The following TF variants were observed in gnomAD, a reference collection of about 807,000 sequenced individuals.
TF encodes the protein transferrin.
In TF, 55 loss-of-function variants were observed where a neutral mutation model predicts 82.4. That is an observed-to-expected ratio of 0.67 (90% confidence interval 0.54 to 0.84). The LOEUF is 0.84. TF is among the 40% of genes least tolerant of loss of function. The pLI is 0.00. For missense variants in TF, 737 were observed against 868.4 expected (o/e 0.85, Z 1.90); for synonymous variants, 332 against 332.6 (o/e 1.00, Z 0.02).
chr3:133,667,356 CAAAAAAA>C, the TF span, among the ~76,000 whole-genome samples: 57 of 128,056 alleles, frequency 4.5e-4, 1 homozygote, highest in East Asian at 0.012. Context: ...GACTCTGACT[CAAAAAAA>C]AAAAAAAAAA....
At chr3:133,732,854 T>G in the TF span, among the ~76,000 whole-genome samples, 16 of 152,192 alleles carry the variant, frequency 1.1e-4, no homozygotes, top group Non-Finnish European at 1.6e-4. Flanking sequence ...AGATGGGGAA[T>G]TGGGGCACTG....
At chr3:133,754,393 C>T in intron 3 of TF, 102 bp from the exon 4 acceptor site, 1 of 1,234,972 alleles carries the variant, frequency 8.1e-7, no homozygotes, top group Non-Finnish European at 1.2e-6. Flanking sequence ...CCAGTAAAAG[C>T]ATGGCCTCTC....
intron 6 of TF, 85 bp from the exon 7 acceptor site, chr3:133,756,746 T>C (rs1559871163): frequency 3.2e-6 from 5 of 1,551,168 alleles, no homozygotes; most frequent in East Asian, 4.5e-5. Flanking sequence ...CAGCTCATAC[T>C]TTCTATGATC....
chr3:133,728,434 A>G, the TF span, among the ~76,000 whole-genome samples: 55,517 of 151,218 alleles, frequency 0.37, 10,784 homozygotes, highest in South Asian at 0.5. Context: ...CCTTTCTTCC[A>G]GTTCATTGCA....
chr3:133,713,864 C>T, the TF span, among the ~76,000 whole-genome samples: 2 of 152,156 alleles, frequency 1.3e-5, no homozygotes, highest in African/African-American at 2.4e-5. Flanking sequence ...CAAGTCCTGT[C>T]CCTCTTCTGT....
intron 13 of TF, among the ~76,000 whole-genome samples, chr3:133,769,483 GC>G (rs1219978164): frequency 6.6e-6 from 1 of 152,076 alleles, no homozygotes; most frequent in East Asian, 1.9e-4. Flanking sequence ...GTGTATAAAG[GC>G]TTCTTTTTCT....
chr3:133,678,744 T>C, the TF span, among the ~76,000 whole-genome samples: 1 of 152,250 alleles, frequency 6.6e-6, no homozygotes, highest in Admixed American at 6.5e-5. Context: ...AAGTTCCTTG[T>C]AGATTCTGGA....
At chr3:133,690,098 G>C in the TF span, among the ~76,000 whole-genome samples, 1 of 151,686 alleles carries the variant, frequency 6.6e-6, no homozygotes, top group Non-Finnish European at 1.5e-5. Flanking sequence ...TTGATTAAAA[G>C]ACATAGACAT....
rs1336595138 is a variant in TF, at chr3:133,757,881, T to C, written c.983T>C (p.Met328Thr). ...GGGTTTTTAAAAGTCCCCCCCAGGA[T>C]GGATGCCAAGATGTACCTGGGCTAT... ...AHGFLKVPPRMDAKMYLGYEY... is the reference protein window; with the variant it reads ...AHGFLKVPPRTDAKMYLGYEY... The change falls in exon 8 of 17, where the codon ATG becomes ACG. Residue 328 changes from methionine to threonine, a missense_variant. Transcript: ENST00000402696. 13 of 1,614,076 alleles carry C rather than the reference T, an allele frequency of 8.1e-6. No homozygotes were observed. Among genetic ancestry groups the C allele is most frequent in the Admixed American group, 1.7e-5 (1 of 60,000 alleles).
chr3:133,678,807 G>A, the TF span, among the ~76,000 whole-genome samples: 2 of 152,072 alleles, frequency 1.3e-5, no homozygotes, highest in East Asian at 1.9e-4. Flanking sequence ...CTATTCTGTA[G>A]GTTGCCTGTT....
At chr3:133,706,475 G>A in the TF span, among the ~76,000 whole-genome samples, 1 of 152,012 alleles carries the variant, frequency 6.6e-6, no homozygotes. Flanking sequence ...CTCAGGTGTA[G>A]TCTCTGGACC....
chr3:133,675,512 G>A, the TF span, among the ~76,000 whole-genome samples: 1 of 152,206 alleles, frequency 6.6e-6, no homozygotes, highest in South Asian at 2.1e-4. Context: ...ATGTCCAAAG[G>A]ACAAAGAGAA....
chr3:133,758,902 A>G (rs547175702), intron 8 of TF, among the ~76,000 whole-genome samples: 3 of 152,330 alleles, frequency 2.0e-5, no homozygotes, highest in Admixed American at 2.0e-4. Flanking sequence ...CTGAAAAACA[A>G]GAAGGAAAAA....
the TF span, among the ~76,000 whole-genome samples, chr3:133,691,070 A>G: frequency 6.6e-6 from 1 of 152,320 alleles, no homozygotes; most frequent in South Asian, 2.1e-4. Flanking sequence ...GATGGAGGAA[A>G]AGGGAGGCAT....
chr3:133,667,973 C>G, the TF span, among the ~76,000 whole-genome samples: 2 of 152,224 alleles, frequency 1.3e-5, no homozygotes, highest in Non-Finnish European at 2.9e-5. Flanking sequence ...ACTCGCATTG[C>G]AATCATCAGA....
chr3:133,685,890 G>C, the TF span, among the ~76,000 whole-genome samples: 3 of 152,112 alleles, frequency 2.0e-5, no homozygotes, highest in African/African-American at 7.2e-5. Context: ...ATATTGCCAA[G>C]ACAATCCTAA....
chr3:133,738,687 A>G, the TF span, among the ~76,000 whole-genome samples: 3 of 152,184 alleles, frequency 2.0e-5, no homozygotes, highest in Non-Finnish European at 4.4e-5. Flanking sequence ...ACAGAGCACC[A>G]AATCATGAGT....
chr3:133,700,981 G>C, the TF span: 2 of 152,510 alleles, frequency 1.3e-5, no homozygotes, highest in African/African-American at 4.8e-5. Context: ...GTTTTTAATG[G>C]TCCCACCTAA....
At chr3:133,746,555 C>T in intron 1 of TF, 72 bp downstream of exon 1, 2 of 1,513,592 alleles carry the variant, frequency 1.3e-6, no homozygotes, top group South Asian at 2.4e-5. Context: ...GCGGCCACCG[C>T]GCAGCCTGCA....
Sources: allele counts gnomAD v4.1 joint callset (sites outside exome capture counted in the v4.1 genomes callset), GRCh38; gene constraint gnomAD v4.1.1; transcripts MANE v1.5; gene names NCBI Gene and HGNC (gene_info 2026-07-23, HGNC 2026-07-21).